Variants in ENAM observed in about 807,000 individuals in gnomAD.
The protein encoded by ENAM is amelogenesis imperfecta 2, hypocalcification (autosomal dominant).
Under a neutral mutation model 33.6 loss-of-function variants are expected in ENAM, and 21 were observed. The ratio of observed to expected loss-of-function variants is 0.63; its 90% CI spans 0.44 to 0.90. The LOEUF (loss-of-function observed/expected upper bound fraction) is 0.90, where lower values mean the gene tolerates loss of function less well. ENAM is among the 40% of genes least tolerant of loss of function. The probability of loss-of-function intolerance (pLI) is 0.00; values close to 1 mark genes in which losing one functional copy is unlikely to be tolerated. For missense variants in ENAM, 1,388 were observed against 1,366.9 expected (o/e 1.02, Z -0.24); for synonymous variants, 473 against 468.4 (o/e 1.01, Z -0.13).
At chr4:70,631,581 G>A (rs997388408) in intron 2 of ENAM, 89 bp from the exon 3 acceptor site, 2 of 976,556 alleles carry the variant, frequency 2.0e-6, no homozygotes, top group African/African-American at 3.2e-5. Context: ...CTCCTTGACA[G>A]ACAAGTAGGC....
chr4:70,642,538 T>A lies in ENAM; in HGVS notation c.1112T>A (p.Val371Glu). 6.2e-6 allele frequency: 10 copies of A among 1,614,060 alleles called. No individual in the cohort carries two copies. Among genetic ancestry groups the A allele is most frequent in the Non-Finnish European group, 7.6e-6 (9 of 1,179,994 alleles). Residue 371 changes from valine (V) to glutamate (E), a missense_variant, in exon 9 of 9, where the codon GTA becomes GAA. By Grantham distance (121) the Val-to-Glu change is moderately radical. Coordinates refer to ENST00000396073, the MANE Select transcript of ENAM (RefSeq NM_031889.3). ...TTCTTTGCTTGGGAACGTAAACAAG[T>A]AGCTCGTCCAGGAAATCCAGTTTAT... is the stretch of plus-strand genomic sequence containing the variant. ...WNFFAWERKQ[V>E]ARPGNPVYHK... is the part of the protein sequence containing the mutation.
intron 8 of ENAM, among the ~76,000 whole-genome samples, chr4:70,641,142 C>T (rs1738587138): frequency 6.6e-6 from 1 of 152,088 alleles, no homozygotes; most frequent in African/African-American, 2.4e-5. Context: ...GTGAATGTTG[C>T]TTAAATATAG....
In ENAM at chr4:70,646,260, T is replaced by C. The variant is rs1738759474; in HGVS notation, c.*1405T>C. ...GGGATTATTATTCTTATTAATAACA[T>C]GTTGGCCTATTATCTGGATGTCCCT... On this transcript the variant is annotated 3_prime_UTR_variant, in exon 9 of 9. Coordinates refer to ENST00000396073, the MANE Select transcript of ENAM (RefSeq NM_031889.3). The C allele has an allele frequency of 6.6e-6, 1 of 152,186 alleles. No homozygotes were observed. The highest frequency in any genetic ancestry group is 1.9e-4 in the East Asian group (1 of 5,206). 9.4% of individuals were successfully genotyped at this position (152,186 alleles called of 1,614,324 possible).
At chr4:70,636,205 A>C (rs953925715) in intron 7 of ENAM, among the ~76,000 whole-genome samples, 3 of 152,198 alleles carry the variant, frequency 2.0e-5, no homozygotes, top group African/African-American at 7.2e-5. Flanking sequence ...TTTTTAAAAA[A>C]CACACAAATT....
rs1738698837 is a variant in ENAM at position 70,644,357 on chromosome 4, C to T, written c.2931C>T (p.Ser977=). ...KEIMPFPEAS[S]LQSKNTPCLK... Reference sequence around the variant, plus strand: ...TTATGCCCTTTCCTGAAGCCAGTTCCCTTCAATCAAAGAATACACCTTGTC... The same window carrying T: ...TTATGCCCTTTCCTGAAGCCAGTTCTCTTCAATCAAAGAATACACCTTGTC... Residue 977 remains serine (S), a synonymous_variant, in exon 9 of 9, where the codon TCC becomes TCT. Coordinates refer to ENST00000396073, the MANE Select transcript of ENAM (RefSeq NM_031889.3). 2 of 1,614,042 alleles carry T rather than the reference C, an allele frequency of 1.2e-6. No individual in the cohort carries two copies. Among genetic ancestry groups the T allele is most frequent in the African/African-American group, 2.7e-5 (2 of 74,902 alleles).
chr4:70,634,628 C>T (rs1738407123), intron 6 of ENAM, 60 bp downstream of exon 6: 1 of 1,502,348 alleles, frequency 6.7e-7, no homozygotes, highest in Non-Finnish European at 9.3e-7. Context: ...TTTGGAGGGC[C>T]ATGCCACCCC....
chr4:70,644,805 G>A lies in ENAM; in HGVS notation c.3379G>A (p.Gly1127Arg). ...CAGTCCATTTGAATTCCTTCAAAGA[G>A]GGACCAATGTACAGGACCAGGTACA... is the stretch of plus-strand genomic sequence containing the variant. ...EHSPFEFLQR[G>R]TNVQDQVQDC... The change falls in exon 9 of 9, where the codon GGG (glycine) becomes AGG (arginine). Residue 1127 changes from glycine to arginine, a missense_variant. By Grantham distance (125) the Gly-to-Arg change is moderately radical. Transcript: ENST00000396073. The A allele has an allele frequency of 1.9e-6, 3 of 1,614,136 alleles. No homozygotes were observed. Among genetic ancestry groups the A allele is most frequent in the Non-Finnish European group, 2.5e-6 (3 of 1,179,992 alleles).
chr4:70,633,305 T>C (rs1738371665), intron 5 of ENAM, among the ~76,000 whole-genome samples: 1 of 152,128 alleles, frequency 6.6e-6, no homozygotes, highest in South Asian at 2.1e-4. Flanking sequence ...CATTTTTTTG[T>C]AACCCTTTTT....
At chr4:70,631,099 G>A (rs1175672834) in intron 2 of ENAM, among the ~76,000 whole-genome samples, 1 of 152,062 alleles carries the variant, frequency 6.6e-6, no homozygotes, top group Non-Finnish European at 1.5e-5. Context: ...AGGAACAATA[G>A]AGGAAACCAG....
chr4:70,634,589 T>A (rs567213429), intron 6 of ENAM, 21 bp downstream of exon 6: 1 of 1,612,880 alleles, frequency 6.2e-7, no homozygotes, highest in South Asian at 1.1e-5. Flanking sequence ...CACAGAAAAA[T>A]TCCATATCTG....
In ENAM at chr4:70,643,058, G is replaced by C; in HGVS notation, c.1632G>C (p.Gln544His). Reference sequence around the variant, plus strand: ...CAGAATTAAAGCACAGCTCATATCAGCCTGCTGTATACCCTGAGGAAATCC... The same window carrying C: ...CAGAATTAAAGCACAGCTCATATCACCCTGCTGTATACCCTGAGGAAATCC... ...NQSELKHSSYQPAVYPEEIPS... is the reference protein window; with the variant it reads ...NQSELKHSSYHPAVYPEEIPS... The change falls in exon 9 of 9, where the codon CAG becomes CAC. Residue 544 changes from glutamine to histidine, a missense_variant. Transcript: ENST00000396073. 1 of 1,613,874 alleles carries C rather than the reference G, an allele frequency of 6.2e-7. No homozygotes were observed. Among genetic ancestry groups the C allele is most frequent in the Admixed American group, 1.7e-5 (1 of 60,020 alleles).
intron 2 of ENAM, among the ~76,000 whole-genome samples, chr4:70,630,307 G>T (rs1738278374): frequency 6.6e-6 from 1 of 152,062 alleles, no homozygotes; most frequent in Non-Finnish European, 1.5e-5. Flanking sequence ...GGTGAGCATT[G>T]GCTCCAATTA....
In ENAM at chr4:70,645,004, G is replaced by C. The variant is rs777413455; in HGVS notation, c.*149G>C. 2.3e-5 allele frequency: 16 copies of C among 690,400 alleles called. No individual in the cohort carries two copies. The highest frequency in any genetic ancestry group is 3.6e-5 in the Non-Finnish European group (14 of 385,498). The allele number at this position is 690,400 out of a possible 1,614,324, so 42.8% of individuals were successfully genotyped here. A position where few individuals can be genotyped will look rare whatever the true frequency, so the allele number is the denominator to read the frequency against. ...CTCCCCTCTCAGCAATAGGAGTAGCGACCCAGGTGGAGCTGAGATTAGGCC... is the reference window on the plus strand; with the variant it reads ...CTCCCCTCTCAGCAATAGGAGTAGCCACCCAGGTGGAGCTGAGATTAGGCC... On this transcript the variant is annotated 3_prime_UTR_variant, in exon 9 of 9. Coordinates refer to ENST00000396073, the MANE Select transcript of ENAM (RefSeq NM_031889.3).
chr4:70,631,587 T>G, intron 2 of ENAM, 83 bp from the exon 3 acceptor site: 1 of 1,002,648 alleles, frequency 1.0e-6, no homozygotes, highest in East Asian at 2.4e-5. Flanking sequence ...GACAGACAAG[T>G]AGGCTAGTAC....
chr4:70,631,080 A>G (rs928621476), intron 2 of ENAM, among the ~76,000 whole-genome samples: 1 of 152,120 alleles, frequency 6.6e-6, no homozygotes, highest in South Asian at 2.1e-4. Context: ...TGATGATAAT[A>G]ATAATAACAG....
Position 70,643,499 on chromosome 4 carries a change from T to C in ENAM, c.2073T>C (p.Tyr691=). Residue 691 remains tyrosine (Y), a synonymous_variant, in exon 9 of 9, where the codon TAT becomes TAC. Transcript: ENST00000396073. ...TTAGGCACTATGAAGGTGAACAATA[T>C]ACCTCAAATCAGCCAAAGGAATATC... is the stretch of plus-strand genomic sequence containing the variant. ...PTVRHYEGEQ[Y]TSNQPKEYLP... The C allele has an allele frequency of 6.2e-7, 1 of 1,614,128 alleles. No individual in the cohort carries two copies. Among genetic ancestry groups the C allele is most frequent in the Middle Eastern group, 1.6e-4 (1 of 6,062 alleles).
At chr4:70,629,591 G>T (rs768200116) in intron 2 of ENAM, 37 bp downstream of exon 2, 32 of 1,424,960 alleles carry the variant, frequency 2.2e-5, no homozygotes, top group African/African-American at 2.0e-4. Flanking sequence ...ATACATACAG[G>T]TTCTCAAACT....
At position 70,645,222 on chromosome 4, in the gene ENAM, C is replaced by T. The variant is rs1738728349; in HGVS notation, c.*367C>T. On this transcript the variant is annotated 3_prime_UTR_variant, in exon 9 of 9. Coordinates refer to ENST00000396073, the MANE Select transcript of ENAM (RefSeq NM_031889.3). ...TTTTCAAGACTGAAAGGCAGATTAA[C>T]TTTCCATTCTACTTATGGAGATCCA... 3.3e-6 allele frequency: 1 copy of T among 302,018 alleles called. No individual in the cohort carries two copies. The highest frequency in any genetic ancestry group is 4.9e-5 in the Admixed American group (1 of 20,486). The allele number at this position is 302,018 out of a possible 1,614,324, so 18.7% of individuals were successfully genotyped here.
In ENAM at chr4:70,642,314, C is replaced by T. The variant is rs778224567; in HGVS notation, c.888C>T (p.Asn296=). ...QNGIGPLPAV[N]ASGQGGPGSQ... Reference sequence around the variant, plus strand: ...GGATTGGCCCACTCCCTGCAGTCAACGCTTCAGGCCAGGGAGGGCCAGGAA... The same window carrying T: ...GGATTGGCCCACTCCCTGCAGTCAATGCTTCAGGCCAGGGAGGGCCAGGAA... The change falls in exon 9 of 9, where the codon AAC becomes AAT. Residue 296 remains asparagine, a synonymous_variant. Coordinates refer to ENST00000396073, the MANE Select transcript of ENAM (RefSeq NM_031889.3). 3.4e-5 allele frequency: 55 copies of T among 1,614,024 alleles called. No individual in the cohort carries two copies. Among genetic ancestry groups the T allele is most frequent in the East Asian group, 1.3e-4 (6 of 44,886 alleles).
Sources: allele counts gnomAD v4.1 joint callset (sites outside exome capture counted in the v4.1 genomes callset), GRCh38; gene constraint gnomAD v4.1.1; transcripts MANE v1.5; gene names NCBI Gene and HGNC (gene_info 2026-07-23, HGNC 2026-07-21).